HPCAL1: variants seen among roughly 807,000 people sequenced by gnomAD.
HPCAL1 encodes hippocalcin-like protein 1.
HPCAL1 carries 8 observed loss-of-function variants against 17.1 expected under a neutral mutation model. That is an observed-to-expected ratio of 0.47 (90% CI 0.27 to 0.84). HPCAL1 has a LOEUF of 0.84. HPCAL1 is among the 40% of genes least tolerant of loss of function. The probability of loss-of-function intolerance (pLI) is 0.13; values close to 1 mark genes in which losing one functional copy is unlikely to be tolerated. For synonymous variants in HPCAL1, 112 were observed against 111.4 expected (o/e 1.01, Z -0.03); for missense variants, 165 against 271.1 (o/e 0.61, Z 2.75).
At chr2:10,383,388 C>T (rs1446962759) in intron 1 of HPCAL1, among the ~76,000 whole-genome samples, 1 of 151,704 alleles carries the variant, frequency 6.6e-6, no homozygotes, top group Non-Finnish European at 1.5e-5. Context: ...TTTCAGACCG[C>T]ATCTTGCTCT....
chr2:10,317,883 A>G (rs1663420792), intron 1 of HPCAL1, among the ~76,000 whole-genome samples: 1 of 152,242 alleles, frequency 6.6e-6, no homozygotes, highest in Non-Finnish European at 1.5e-5. Flanking sequence ...TTCCTGGCTC[A>G]CATTCACTGT....
At chr2:10,392,322 C>T (rs376846092) in intron 1 of HPCAL1, among the ~76,000 whole-genome samples, 1 of 152,178 alleles carries the variant, frequency 6.6e-6, no homozygotes, top group Non-Finnish European at 1.5e-5. Flanking sequence ...ATTACAGGTG[C>T]GAGCCACCAC....
intron 2 of HPCAL1, among the ~76,000 whole-genome samples, chr2:10,405,208 G>C (rs1225473667): frequency 6.6e-6 from 1 of 152,236 alleles, no homozygotes; most frequent in African/African-American, 2.4e-5. Context: ...CCCCCAGCAG[G>C]GCCCCTGGGT....
intron 1 of HPCAL1, among the ~76,000 whole-genome samples, chr2:10,389,686 G>A (rs934181536): frequency 3.3e-5 from 5 of 152,240 alleles, no homozygotes; most frequent in East Asian, 3.8e-4. Flanking sequence ...TGAACACTGC[G>A]GTTGTGAGAC....
chr2:10,395,066 G>A lies in HPCAL1; in HGVS notation c.-110-1769G>A, dbSNP rs1668929063. Among the ~76,000 whole-genome samples the A allele has an allele frequency of 6.6e-6, 1 of 150,546 alleles. No homozygotes were observed. The highest frequency in any genetic ancestry group is 1.5e-5 in the Non-Finnish European group (1 of 67,718). On this transcript the variant is annotated intron_variant, in intron 1 of 4. Transcript: ENST00000307845. The surrounding 1 kb of genome is among the most constrained non-coding windows in gnomAD (Gnocchi z 4.4). Reference sequence around the variant, plus strand: ...CCTGCCTCAGCTTCCCAGAGTGCTGGGATTACAGGCGTGAACAATGGTGTC... The same window carrying A: ...CCTGCCTCAGCTTCCCAGAGTGCTGAGATTACAGGCGTGAACAATGGTGTC...
chr2:10,380,597 T>A (rs1339627059), intron 1 of HPCAL1, among the ~76,000 whole-genome samples: 3 of 152,184 alleles, frequency 2.0e-5, no homozygotes, highest in Non-Finnish European at 2.9e-5. Flanking sequence ...TCTGTCTGGG[T>A]GTAGCTTCTT....
At chr2:10,356,790 C>G (rs943455348) in intron 1 of HPCAL1, among the ~76,000 whole-genome samples, 7 of 152,266 alleles carry the variant, frequency 4.6e-5, no homozygotes, top group Admixed American at 1.3e-4. Flanking sequence ...TGGCTTCCCC[C>G]CTCCCTCCAG....
intron 1 of HPCAL1, chr2:10,303,671 G>A (rs1662418551): frequency 6.9e-6 from 1 of 144,594 alleles, no homozygotes; most frequent in African/African-American, 2.6e-5. Flanking sequence ...CAGGGAACAG[G>A]TCCGTGCGGC....
intron 1 of HPCAL1, among the ~76,000 whole-genome samples, chr2:10,318,247 G>A (rs1379888311): frequency 6.6e-6 from 1 of 152,104 alleles, no homozygotes; most frequent in Non-Finnish European, 1.5e-5. Context: ...CTGAAACAGA[G>A]CATCCCACAG....
At chr2:10,334,392 C>T (rs1330432925) in intron 1 of HPCAL1, among the ~76,000 whole-genome samples, 1 of 151,988 alleles carries the variant, frequency 6.6e-6, no homozygotes, top group African/African-American at 2.4e-5. Flanking sequence ...CCTGTAGTCC[C>T]AGCTCTTCAG....
chr2:10,375,374 G>GC (rs1667489006), intron 1 of HPCAL1, among the ~76,000 whole-genome samples: 1 of 152,180 alleles, frequency 6.6e-6, no homozygotes, highest in African/African-American at 2.4e-5. Flanking sequence ...ACACTCAGTG[G>GC]CCCCTCCCAG....
At position 10,354,904 on chromosome 2, in the gene HPCAL1, A is replaced by G. The variant is rs1256557602; in HGVS notation, c.-110-41931A>G. 6.6e-6 allele frequency among the ~76,000 whole-genome samples: 1 copy of G among 152,228 alleles called. No individual in the cohort carries two copies. The highest frequency in any genetic ancestry group is 1.5e-5 in the Non-Finnish European group (1 of 68,040). On this transcript the variant is annotated intron_variant, in intron 1 of 4. Transcript: ENST00000307845. This position sits in a 1 kb window ranked among gnomAD's most constrained non-coding sequence, Gnocchi z 5.1. ...CCCCTCCTCATAGATCCTTCAATTCAACAATTGAATTCAACAAGCCCCTGG... is the reference window on the plus strand; with the variant it reads ...CCCCTCCTCATAGATCCTTCAATTCGACAATTGAATTCAACAAGCCCCTGG...
At chr2:10,388,377 G>A (rs1441665217) in intron 1 of HPCAL1, among the ~76,000 whole-genome samples, 2 of 152,210 alleles carry the variant, frequency 1.3e-5, no homozygotes, top group African/African-American at 4.8e-5. Context: ...GGCAGTGACT[G>A]GGCTCGGGAG....
At chr2:10,392,628 G>A (rs746077855) in intron 1 of HPCAL1, among the ~76,000 whole-genome samples, 59 of 152,178 alleles carry the variant, frequency 3.9e-4, no homozygotes, top group Non-Finnish European at 8.1e-4. Context: ...AAAACTTGAT[G>A]AGCTAGGTAG....
At chr2:10,398,562 G>A (rs1251041040) in intron 2 of HPCAL1, among the ~76,000 whole-genome samples, 2 of 152,146 alleles carry the variant, frequency 1.3e-5, no homozygotes, top group Admixed American at 6.5e-5. Flanking sequence ...TGTGAGTCCC[G>A]CAGCCGGTCA....
chr2:10,364,265 G>A (rs1249366799), intron 1 of HPCAL1, among the ~76,000 whole-genome samples: 2 of 152,200 alleles, frequency 1.3e-5, no homozygotes, highest in Non-Finnish European at 2.9e-5. Context: ...CCTGGCATCC[G>A]GGGGTCCCTC....
intron 1 of HPCAL1, among the ~76,000 whole-genome samples, chr2:10,370,435 T>G (rs746010024): frequency 1.3e-5 from 2 of 152,210 alleles, no homozygotes; most frequent in Non-Finnish European, 2.9e-5. Context: ...TAAACCCTCA[T>G]GTGCAGATCC....
chr2:10,402,341 G>A (rs1415079355), intron 2 of HPCAL1, among the ~76,000 whole-genome samples: 1 of 152,208 alleles, frequency 6.6e-6, no homozygotes, highest in Non-Finnish European at 1.5e-5. Flanking sequence ...GGGGTGTTCC[G>A]TGACTGCGTG....
intron 1 of HPCAL1, among the ~76,000 whole-genome samples, chr2:10,358,147 G>C (rs900203479): frequency 6.6e-6 from 1 of 152,254 alleles, no homozygotes; most frequent in African/African-American, 2.4e-5. Flanking sequence ...GTGGCCGATG[G>C]CTGGATGATT....
Sources: allele counts gnomAD v4.1 joint callset (sites outside exome capture counted in the v4.1 genomes callset), GRCh38; gene constraint gnomAD v4.1.1; non-coding constraint Gnocchi (gnomAD v3.1); transcripts MANE v1.5; gene names NCBI Gene and HGNC (gene_info 2026-07-23, HGNC 2026-07-21).